Variants in CCDC187 observed in about 807,000 individuals in gnomAD.
CCDC187 encodes the protein coiled-coil domain-containing protein 187.
CCDC187 carries 32 observed loss-of-function variants against 38.0 expected under a neutral mutation model. The observed-to-expected ratio is 0.84, with a 90% CI of 0.64 to 1.13. CCDC187 has a LOEUF of 1.13. Ranked by LOEUF, CCDC187 falls within the 50% of genes most tolerant of loss-of-function variation. The pLI, the probability that CCDC187 is intolerant of heterozygous loss-of-function variation, is 0.00. For missense variants in CCDC187, 707 were observed against 786.8 expected (o/e 0.90, Z 1.21); for synonymous variants, 333 against 347.9 (o/e 0.96, Z 0.48).
chr9:136,287,435 CA>C (rs1484768324), intron 7 of CCDC187, among the ~76,000 whole-genome samples: 1 of 152,204 alleles, frequency 6.6e-6, no homozygotes, highest in Middle Eastern at 3.2e-3. Flanking sequence ...CAGATCACCG[CA>C]ACTGGACAAT....
chr9:136,290,947 G>A lies in CCDC187; in HGVS notation c.1666C>T (p.Pro556Ser). The A allele has an allele frequency of 5.0e-6, 2 of 398,712 alleles. No individual in the cohort carries two copies. Among genetic ancestry groups the A allele is most frequent in the Non-Finnish European group, 8.8e-6 (2 of 226,140 alleles). The allele number at this position is 398,712 out of a possible 1,614,324, so 24.7% of individuals were successfully genotyped here. A position where few individuals can be genotyped will look rare whatever the true frequency, so the allele number is the denominator to read the frequency against. ...TACETWEDPG[P>S]RLRNPLERPS... ...CTTTCCAGAGGGTTCCGCAGTCTGG[G>A]GCCAGGGTCCTCCCAGGTTTCACAG... Residue 556 changes from proline to serine, a missense_variant, in exon 6 of 26, where the codon CCC becomes TCC. By Grantham distance (74) the Pro-to-Ser change is moderately conservative. Coordinates refer to ENST00000638797, the MANE Select transcript of CCDC187 (RefSeq NM_001378188.1).
At chr9:136,301,617 C>T (rs1831685385) in intron 2 of CCDC187, among the ~76,000 whole-genome samples, 1 of 130,524 alleles carries the variant, frequency 7.7e-6, no homozygotes, top group Admixed American at 8.9e-5. Context: ...GACGAAGTCT[C>T]GCTCTGTCGC....
chr9:136,301,741 C>A (rs1831690320), intron 2 of CCDC187, among the ~76,000 whole-genome samples: 1 of 151,966 alleles, frequency 6.6e-6, no homozygotes, highest in Admixed American at 6.6e-5. Flanking sequence ...CGCCCGCCAC[C>A]ATGCCCAGCT....
chr9:136,283,800 A>C (rs1831104227), intron 9 of CCDC187, among the ~76,000 whole-genome samples: 1 of 152,094 alleles, frequency 6.6e-6, no homozygotes, highest in Admixed American at 6.5e-5. Context: ...CTTTTCAAAA[A>C]TTCTCACTGC....
chr9:136,294,302 G>A (rs957432975), intron 4 of CCDC187, among the ~76,000 whole-genome samples: 8 of 146,912 alleles, frequency 5.4e-5, no homozygotes, highest in South Asian at 2.1e-4. Flanking sequence ...ACTCTCACAC[G>A]CTCATATACA....
Position 136,263,260 on chromosome 9 carries a change from G to C in CCDC187, c.3912+362C>G, listed in dbSNP as rs1489110844. On this transcript the variant is annotated intron_variant, in intron 18 of 25. Transcript: ENST00000638797. Reference sequence around the variant, plus strand: ...CTTTTTTTTTTTTTTTTTTTGAGACGAAGTCTCCCTGTCGCCCAGGGTGGA... The same window carrying C: ...CTTTTTTTTTTTTTTTTTTTGAGACCAAGTCTCCCTGTCGCCCAGGGTGGA... Among the ~76,000 whole-genome samples the C allele has an allele frequency of 2.5e-5, 3 of 120,848 alleles. No individual in the cohort carries two copies. The Admixed American group carries it at 3.1e-4, about 13-fold the overall frequency. 79.3% of individuals were successfully genotyped at this position (120,848 alleles called of 152,430 possible).
chr9:136,273,564 C>G (rs548027145), intron 14 of CCDC187, among the ~76,000 whole-genome samples: 2 of 152,156 alleles, frequency 1.3e-5, no homozygotes, highest in African/African-American at 4.8e-5. Context: ...CAAATTGCAA[C>G]GTGATATTTC....
intron 10 of CCDC187, among the ~76,000 whole-genome samples, chr9:136,277,425 G>C (rs1830953525): frequency 9.6e-6 from 1 of 104,122 alleles, no homozygotes; most frequent in Non-Finnish European, 2.1e-5. Flanking sequence ...GGTGGGTGCT[G>C]AGGGGGTGAG....
In CCDC187 at chr9:136,258,811, C is replaced by T. The variant is rs548634465; in HGVS notation, c.4366+121G>A. ...GGCCAGGGTGGGGGGCCACCAGGGC[C>T]CATCTTCTTTGCTTTCCGTCCTTGT... On this transcript the variant is annotated intron_variant, in intron 22 of 25. Coordinates refer to ENST00000638797, the MANE Select transcript of CCDC187 (RefSeq NM_001378188.1). The surrounding 1 kb of genome is among the most constrained non-coding windows in gnomAD (Gnocchi z 4.3). The T allele has an allele frequency of 6.1e-6, 6 of 985,484 alleles. No homozygotes were observed. In the East Asian group the frequency reaches 5.7e-4, roughly 93 times the overall value. 61.0% of individuals were successfully genotyped at this position (985,484 alleles called of 1,614,324 possible). A position where few individuals can be genotyped will look rare whatever the true frequency, so the allele number is the denominator to read the frequency against.
rs1830628057 is a variant in CCDC187, at chr9:136,257,472, G to A, written c.4367-631C>T. Among the ~76,000 whole-genome samples the A allele has an allele frequency of 6.6e-6, 1 of 152,148 alleles. No individual in the cohort carries two copies. The highest frequency in any genetic ancestry group is 2.4e-5 in the African/African-American group (1 of 41,428). On this transcript the variant is annotated intron_variant, in intron 22 of 25. Coordinates refer to ENST00000638797, the MANE Select transcript of CCDC187 (RefSeq NM_001378188.1). The surrounding 1 kb of genome is among the most constrained non-coding windows in gnomAD (Gnocchi z 4.5). ...CCAGAGCTTGTTCTTCCCCCTCGGT[G>A]CCGTCCGACAGACACTGGTGTGAGG... is the stretch of plus-strand genomic sequence containing the variant.
In CCDC187 at chr9:136,293,395, A is replaced by ACT. The variant is rs1831413461; in HGVS notation, c.833-1101_833-1100insAG. ...CACACACTCACACTCACATGCTCAC[A>ACT]CACTCACAAACACTCACATGCTCAC... On this transcript the variant is annotated intron_variant, in intron 4 of 25. Coordinates refer to ENST00000638797, the MANE Select transcript of CCDC187 (RefSeq NM_001378188.1). Among the ~76,000 whole-genome samples, 3 of 96,592 alleles carry ACT rather than the reference A, an allele frequency of 3.1e-5. 1 individual carries two copies. Among genetic ancestry groups the ACT allele is most frequent in the Admixed American group, 2.1e-4 (2 of 9,636 alleles). 63.4% of individuals were successfully genotyped at this position (96,592 alleles called of 152,430 possible). A position where few individuals can be genotyped will look rare whatever the true frequency, so the allele number is the denominator to read the frequency against.
chr9:136,269,699 C>T (rs1340652797), intron 14 of CCDC187, among the ~76,000 whole-genome samples: 1 of 151,998 alleles, frequency 6.6e-6, no homozygotes, highest in African/African-American at 2.4e-5. Context: ...ATATCTAGCA[C>T]TCAGCAAGGT....
At chr9:136,304,217 C>T (rs1234716427), upstream of CCDC187, 2 of 152,252 alleles carry the variant, frequency 1.3e-5, no homozygotes, top group Non-Finnish European at 2.9e-5. Context: ...CGGTGCCCCA[C>T]CCAGTCCGCC....
chr9:136,302,372 C>T (rs1399388926), intron 2 of CCDC187, among the ~76,000 whole-genome samples: 1 of 142,500 alleles, frequency 7.0e-6, no homozygotes, highest in Non-Finnish European at 1.5e-5. Context: ...AAGGACAAGA[C>T]CCCCCCACCA....
At position 136,262,365 on chromosome 9, in the gene CCDC187, C is replaced by A; in HGVS notation, c.4010G>T (p.Ser1337Ile). The part of the protein sequence containing the change: ...SLCPLTPCRP[S>I]SSTSHRPQSS... ...CTGGGGGCGATGGCTGGTGGAGCTGCTGGGCCTGCATGGGGTCAGGGGACA... is the reference window on the plus strand; with the variant it reads ...CTGGGGGCGATGGCTGGTGGAGCTGATGGGCCTGCATGGGGTCAGGGGACA... Residue 1337 changes from serine to isoleucine, a missense_variant, in exon 19 of 26, where the codon AGC (serine) becomes ATC (isoleucine). By Grantham distance (142) the Ser-to-Ile change is moderately radical. Transcript: ENST00000638797. The A allele has an allele frequency of 1.0e-6, 1 of 986,862 alleles. No individual in the cohort carries two copies. The highest frequency in any genetic ancestry group is 1.7e-5 in the African/African-American group (1 of 57,400). 61.1% of individuals were successfully genotyped at this position (986,862 alleles called of 1,614,324 possible).
Position 136,281,538 on chromosome 9 carries a change from G to T in CCDC187, c.3040+13C>A. 1 of 398,666 alleles carries T rather than the reference G, an allele frequency of 2.5e-6. No individual in the cohort carries two copies. Among genetic ancestry groups the T allele is most frequent in the Non-Finnish European group, 4.4e-6 (1 of 226,100 alleles). The allele number at this position is 398,666 out of a possible 1,614,324, so 24.7% of individuals were successfully genotyped here. On this transcript the variant is annotated intron_variant, in intron 10 of 25. Transcript: ENST00000638797. ...CCAGCCAGCCCAGGGCCTGTCCGCA[G>T]GGTCGCCCTTACCGCAGCTCCGGGG...
chr9:136,278,046 CG>C (rs1830967162), intron 10 of CCDC187, among the ~76,000 whole-genome samples: 3 of 152,142 alleles, frequency 2.0e-5, no homozygotes, highest in Admixed American at 2.0e-4. Context: ...ACTGAGCATT[CG>C]GGGTCACCCC....
At chr9:136,295,151 G>T (rs1831503962) in intron 4 of CCDC187, among the ~76,000 whole-genome samples, 3 of 152,244 alleles carry the variant, frequency 2.0e-5, no homozygotes. Context: ...GACCCAACTG[G>T]TCACAGCTGG....
At chr9:136,272,434 G>A (rs1475319789) in intron 14 of CCDC187, among the ~76,000 whole-genome samples, 10 of 152,154 alleles carry the variant, frequency 6.6e-5, no homozygotes, top group Non-Finnish European at 1.5e-5. Context: ...CGGGCGTGGT[G>A]GCTCACGCCT....
Sources: gnomAD v4.1 joint callset for allele counts (sites outside exome capture counted in the v4.1 genomes callset) on GRCh38, gnomAD v4.1.1 for gene constraint, Gnocchi (gnomAD v3.1) non-coding constraint, MANE v1.5 for transcripts, NCBI Gene and HGNC (gene_info 2026-07-23, HGNC 2026-07-21) for gene names.